Variants in ADAM22 observed in about 807,000 individuals in gnomAD.
ADAM22 encodes ADAM metallopeptidase domain 22.
ADAM22 carries 65 observed loss-of-function variants against 144.6 expected under a neutral mutation model. The ratio of observed to expected loss-of-function variants is 0.45; its 90% CI spans 0.37 to 0.55. The LOEUF is 0.55. Among genes scored for constraint, ADAM22 ranks in the 20% least tolerant of loss-of-function variants. The probability of loss-of-function intolerance (pLI) is 0.00; values close to 1 mark genes in which losing one functional copy is unlikely to be tolerated. For missense variants in ADAM22, 974 were observed against 1,184.9 expected (o/e 0.82, Z 2.61); for synonymous variants, 391 against 412.6 (o/e 0.95, Z 0.63).
chr7:88,023,816 T>C (rs192443116), intron 3 of ADAM22, among the ~76,000 whole-genome samples: 142 of 140,238 alleles, frequency 1.0e-3, no homozygotes, highest in Non-Finnish European at 1.7e-3. Context: ...ACTCCTTAGC[T>C]ACCCCCACTT....
In ADAM22 at chr7:88,148,990, G is replaced by A; in HGVS notation, c.1499G>A (p.Gly500Asp). Residue 500 changes from glycine (G) to aspartate (D), a missense_variant, in exon 18 of 32, where the codon GGC becomes GAC. Transcript: ENST00000413139. ...CCKKCKFQPM[G>D]TVCREAVNDC... ...TGTTCATTTTAGTTTCAGCCTATGG[G>A]CACTGTGTGCCGAGAAGCAGTAAAT... 1 of 1,611,568 alleles carries A rather than the reference G, an allele frequency of 6.2e-7. No individual in the cohort carries two copies. The highest frequency in any genetic ancestry group is 8.5e-7 in the Non-Finnish European group (1 of 1,178,396).
At chr7:88,089,022 G>T (rs1435667184) in intron 4 of ADAM22, among the ~76,000 whole-genome samples, 1 of 151,574 alleles carries the variant, frequency 6.6e-6, no homozygotes, top group African/African-American at 2.4e-5. Flanking sequence ...TCTGAGTCCA[G>T]TGCAAATTGA....
chr7:88,007,281 C>T (rs1461826635), intron 3 of ADAM22, among the ~76,000 whole-genome samples: 2 of 152,168 alleles, frequency 1.3e-5, no homozygotes, highest in African/African-American at 4.8e-5. Context: ...ATTCCATGCT[C>T]ATGGGTAGGA....
At chr7:87,970,496 G>T (rs1850183639) in intron 2 of ADAM22, among the ~76,000 whole-genome samples, 1 of 152,038 alleles carries the variant, frequency 6.6e-6, no homozygotes, top group Admixed American at 6.6e-5. Flanking sequence ...ATTCAGGTTG[G>T]ACTTAATTAA....
At chr7:88,046,945 A>G (rs750359740) in intron 3 of ADAM22, among the ~76,000 whole-genome samples, 2 of 151,920 alleles carry the variant, frequency 1.3e-5, no homozygotes. Context: ...GGTTGTTCAG[A>G]TGGTAGACTC....
chr7:88,054,494 A>T (rs183523421), intron 3 of ADAM22, among the ~76,000 whole-genome samples: 5 of 152,088 alleles, frequency 3.3e-5, no homozygotes, highest in East Asian at 1.9e-4. Context: ...CAAGACTCAG[A>T]TCTATCATAC....
chr7:88,157,514 C>A (rs970944229), intron 22 of ADAM22, among the ~76,000 whole-genome samples: 7 of 151,992 alleles, frequency 4.6e-5, no homozygotes, highest in South Asian at 2.1e-4. Context: ...TTTAGTTATG[C>A]TACAAATTTC....
At chr7:88,179,742 G>A (rs1003573543) in intron 27 of ADAM22, among the ~76,000 whole-genome samples, 2 of 151,952 alleles carry the variant, frequency 1.3e-5, no homozygotes, top group African/African-American at 4.8e-5. Flanking sequence ...TTAAAATTCT[G>A]CATGCTTTGT....
intron 7 of ADAM22, among the ~76,000 whole-genome samples, chr7:88,121,796 T>C (rs1829368614): frequency 6.6e-6 from 1 of 152,148 alleles, no homozygotes; most frequent in South Asian, 2.1e-4. Context: ...TCTGATCACT[T>C]TTGCTGTATA....
chr7:88,023,293 A>G (rs554762691), intron 3 of ADAM22, among the ~76,000 whole-genome samples: 2 of 152,328 alleles, frequency 1.3e-5, no homozygotes, highest in South Asian at 4.1e-4. Flanking sequence ...TAGTAGGTGT[A>G]TATATTCAAG....
intron 3 of ADAM22, among the ~76,000 whole-genome samples, chr7:88,050,914 T>G (rs1806144358): frequency 6.6e-6 from 1 of 152,246 alleles, no homozygotes; most frequent in South Asian, 2.1e-4. Flanking sequence ...TTTTGGTGTT[T>G]TAGACATGAA....
intron 28 of ADAM22, 24 bp downstream of exon 28, chr7:88,181,629 G>C (rs967190272): frequency 1.3e-6 from 2 of 1,591,008 alleles, no homozygotes. Context: ...TTCTGAATCT[G>C]TCTGTCCACA....
At chr7:88,128,469 A>T in intron 8 of ADAM22, 133 bp from the exon 9 acceptor site, 2 of 697,624 alleles carry the variant, frequency 2.9e-6, no homozygotes, top group Non-Finnish European at 5.1e-6. Flanking sequence ...AAGCAAATTG[A>T]TGAAAAATTT....
At chr7:88,044,340 G>A (rs1029903388) in intron 3 of ADAM22, among the ~76,000 whole-genome samples, 10 of 152,168 alleles carry the variant, frequency 6.6e-5, no homozygotes, top group African/African-American at 2.2e-4. Flanking sequence ...TATGTTATCT[G>A]CTCTGTTATG....
intron 27 of ADAM22, among the ~76,000 whole-genome samples, chr7:88,180,685 A>G (rs913869772): frequency 1.3e-5 from 2 of 152,152 alleles, no homozygotes; most frequent in South Asian, 2.1e-4. Context: ...ATCCATTTGA[A>G]TAATTCCCAG....
At chr7:88,036,386 A>T (rs540308075) in intron 3 of ADAM22, among the ~76,000 whole-genome samples, 1 of 152,280 alleles carries the variant, frequency 6.6e-6, no homozygotes, top group East Asian at 1.9e-4. Context: ...CTGTTGCAGC[A>T]TTCTAATGAG....
chr7:88,071,391 A>AT (rs71297113), intron 3 of ADAM22, among the ~76,000 whole-genome samples: 7,548 of 126,012 alleles, frequency 0.06, 521 homozygotes, highest in African/African-American at 0.17. Flanking sequence ...TTATGAAGTG[A>AT]TTTTTTTTTT....
At chr7:88,168,069 C>A in intron 24 of ADAM22, 68 bp from the exon 25 acceptor site, 1 of 1,351,570 alleles carries the variant, frequency 7.4e-7, no homozygotes, top group Non-Finnish European at 1.0e-6. Context: ...GATTACAAAA[C>A]TGAACAATAA....
At chr7:88,010,170 T>A (rs1406595135) in intron 3 of ADAM22, among the ~76,000 whole-genome samples, 1 of 152,166 alleles carries the variant, frequency 6.6e-6, no homozygotes, top group Non-Finnish European at 1.5e-5. Flanking sequence ...TTGGAACAGA[T>A]CACCTAAAGA....
Sources: gnomAD v4.1 joint callset for allele counts (sites outside exome capture counted in the v4.1 genomes callset) on GRCh38, gnomAD v4.1.1 for gene constraint, MANE v1.5 for transcripts, NCBI Gene and HGNC (gene_info 2026-07-23, HGNC 2026-07-21) for gene names.